Variants in NR6A1 observed in about 807,000 individuals in gnomAD.
NR6A1 encodes nuclear receptor subfamily 6 group A member 1.
In NR6A1, 7 loss-of-function variants were observed where a neutral mutation model predicts 59.1. The ratio of observed to expected loss-of-function variants is 0.12; its 90% CI spans 0.07 to 0.22. The LOEUF (loss-of-function observed/expected upper bound fraction) is 0.22, where lower values mean the gene tolerates loss of function less well. Ranked by LOEUF, NR6A1 falls within the 10% of genes least tolerant of loss-of-function variation. NR6A1 has a pLI of 1.00. For missense variants in NR6A1, 468 were observed against 611.6 expected (o/e 0.77, Z 2.48); for synonymous variants, 243 against 236.1 (o/e 1.03, Z -0.27).
intron 2 of NR6A1, chr9:124,595,783 T>C (rs1260108325): frequency 1.6e-5 from 21 of 1,289,360 alleles, no homozygotes; most frequent in Non-Finnish European, 2.0e-5. Flanking sequence ...TCTTGTAGTC[T>C]GCTGAAAAGT....
intron 2 of NR6A1, among the ~76,000 whole-genome samples, chr9:124,626,759 C>A (rs911972153): frequency 1.3e-5 from 2 of 152,032 alleles, no homozygotes; most frequent in Admixed American, 6.6e-5. Context: ...GATGGTGAAA[C>A]CCCGTCTCTA....
chr9:124,693,593 G>A (rs1564240856), intron 2 of NR6A1: 1 of 418,326 alleles, frequency 2.4e-6, no homozygotes, highest in Non-Finnish European at 5.0e-6. Flanking sequence ...CCTCAATCAT[G>A]CAGATGGCTG....
At chr9:124,537,988 C>T (rs1365975444) in intron 6 of NR6A1, 104 bp downstream of exon 6, 1 of 860,996 alleles carries the variant, frequency 1.2e-6, no homozygotes, top group Non-Finnish European at 1.8e-6. Flanking sequence ...ATTATCCCCC[C>T]AACTCATTCT....
intron 2 of NR6A1, among the ~76,000 whole-genome samples, chr9:124,648,951 G>A (rs1026201961): frequency 6.6e-6 from 1 of 151,844 alleles, no homozygotes; most frequent in Non-Finnish European, 1.5e-5. Context: ...GAAATTGTGG[G>A]ATTACACACA....
At chr9:124,744,861 C>G (rs1476453153) in intron 1 of NR6A1, among the ~76,000 whole-genome samples, 2 of 152,192 alleles carry the variant, frequency 1.3e-5, no homozygotes, top group Admixed American at 1.3e-4. Context: ...AGAGAAGTAG[C>G]CAGCTCTGCT....
At chr9:124,752,017 T>C (rs1840513975) in intron 1 of NR6A1, among the ~76,000 whole-genome samples, 1 of 152,338 alleles carries the variant, frequency 6.6e-6, no homozygotes, top group East Asian at 1.9e-4. Context: ...ACGCCTATAA[T>C]CCCAACACTT....
At chr9:124,699,552 T>A (rs1008826200) in intron 2 of NR6A1, among the ~76,000 whole-genome samples, 3 of 152,218 alleles carry the variant, frequency 2.0e-5, no homozygotes, top group African/African-American at 7.2e-5. Context: ...ATCTGATCAA[T>A]GAACTTAAAT....
chr9:124,591,317 T>C (rs1835117625), intron 2 of NR6A1, among the ~76,000 whole-genome samples: 1 of 152,240 alleles, frequency 6.6e-6, no homozygotes, highest in African/African-American at 2.4e-5. Context: ...TCCTGTGAGA[T>C]AGGTATTACT....
chr9:124,744,789 G>T (rs1432365667), intron 1 of NR6A1, among the ~76,000 whole-genome samples: 1 of 152,230 alleles, frequency 6.6e-6, no homozygotes, highest in Non-Finnish European at 1.5e-5. Context: ...AACATGGTCA[G>T]AGAGCTTTCA....
chr9:124,669,721 C>T (rs773913217), intron 2 of NR6A1, among the ~76,000 whole-genome samples: 5 of 152,118 alleles, frequency 3.3e-5, no homozygotes, highest in Non-Finnish European at 5.9e-5. Context: ...AAGAGGAATT[C>T]GAGTAGCTAA....
chr9:124,694,395 G>A (rs1186162237), intron 2 of NR6A1, among the ~76,000 whole-genome samples: 2 of 152,050 alleles, frequency 1.3e-5, no homozygotes, highest in African/African-American at 2.4e-5. Context: ...AGTCTTTTAT[G>A]TACTCGTCAT....
rs144561224 is a variant in NR6A1, at chr9:124,549,776, A to C, written c.385+4552T>G. ...GTTCCCATACACCCTCCTCCTTTTA[A>C]CAATGGACATAATCATGTCTAGTCA... On this transcript the variant is annotated intron_variant, in intron 3 of 9. Coordinates refer to ENST00000487099, the MANE Select transcript of NR6A1 (RefSeq NM_033334.4). Among the ~76,000 whole-genome samples, 90 of 152,318 alleles carry C rather than the reference A, an allele frequency of 5.9e-4. No individual in the cohort carries two copies. The East Asian group carries it at 0.015, about 25-fold the overall frequency.
At chr9:124,562,173 G>C (rs941709207) in intron 2 of NR6A1, among the ~76,000 whole-genome samples, 1 of 152,160 alleles carries the variant, frequency 6.6e-6, no homozygotes, top group Non-Finnish European at 1.5e-5. Flanking sequence ...CTTTCTAAAA[G>C]AGCTGATATA....
chr9:124,743,988 A>G (rs1840251047), intron 1 of NR6A1, among the ~76,000 whole-genome samples: 1 of 152,240 alleles, frequency 6.6e-6, no homozygotes, highest in South Asian at 2.1e-4. Flanking sequence ...GAACTCTGGG[A>G]GGCCAAGGCA....
At chr9:124,665,464 C>T (rs1306123334) in intron 2 of NR6A1, among the ~76,000 whole-genome samples, 2 of 152,166 alleles carry the variant, frequency 1.3e-5, no homozygotes, top group African/African-American at 4.8e-5. Flanking sequence ...TTAGTCAGAT[C>T]TATGGTAAAC....
chr9:124,634,179 AT>A (rs201743858), intron 2 of NR6A1, among the ~76,000 whole-genome samples: 1 of 152,236 alleles, frequency 6.6e-6, no homozygotes, highest in African/African-American at 2.4e-5. Context: ...ACAGATATAG[AT>A]TTTTAATAAG....
chr9:124,550,329 G>C (rs912558817), intron 3 of NR6A1, among the ~76,000 whole-genome samples: 4 of 149,036 alleles, frequency 2.7e-5, no homozygotes, highest in African/African-American at 4.9e-5. Flanking sequence ...GCATCCATTA[G>C]TAGGTTTTGC....
intron 2 of NR6A1, among the ~76,000 whole-genome samples, chr9:124,614,182 A>T (rs1835829881): frequency 6.6e-6 from 1 of 152,146 alleles, no homozygotes; most frequent in South Asian, 2.1e-4. Context: ...GAGGGCTAGG[A>T]GGGAGAGGGC....
intron 2 of NR6A1, among the ~76,000 whole-genome samples, chr9:124,620,553 C>T (rs80007665): frequency 3.3e-5 from 5 of 152,194 alleles, no homozygotes; most frequent in South Asian, 2.1e-4. Flanking sequence ...CACCATGCTA[C>T]GTGAAAGCAG....
Sources: gnomAD v4.1 joint callset for allele counts (sites outside exome capture counted in the v4.1 genomes callset) on GRCh38, gnomAD v4.1.1 for gene constraint, MANE v1.5 for transcripts, NCBI Gene and HGNC (gene_info 2026-07-23, HGNC 2026-07-21) for gene names.